Variants in ACADSB observed in about 807,000 individuals in gnomAD.
The protein encoded by ACADSB is acyl-CoA dehydrogenase short/branched chain.
A neutral mutation model predicts 54.1 loss-of-function variants in ACADSB; 40 were observed. The ratio of observed to expected loss-of-function variants is 0.74; its 90% CI spans 0.57 to 0.96. The LOEUF (loss-of-function observed/expected upper bound fraction) is 0.96, where lower values mean the gene tolerates loss of function less well. ACADSB is among the 40% of genes least tolerant of loss of function. The probability of loss-of-function intolerance (pLI) is 0.00; values close to 1 mark genes in which losing one functional copy is unlikely to be tolerated. For missense variants in ACADSB, 530 were observed against 510.4 expected (o/e 1.04, Z -0.37); for synonymous variants, 182 against 182.8 (o/e 1.00, Z 0.03).
In ACADSB at chr10:123,057,362, G is replaced by A. The variant is rs755235760; in HGVS notation, c.*3597G>A. 9.9e-5 allele frequency: 15 copies of A among 152,112 alleles called. No individual in the cohort carries two copies. The highest frequency in any genetic ancestry group is 2.1e-4 in the Non-Finnish European group (14 of 68,032). 9.4% of individuals were successfully genotyped at this position (152,112 alleles called of 1,614,324 possible). ...TTAATATATGCACCTACCTTCTTCC[G>A]TTAGTGCATCAGTAAATGTGTTATT... On this transcript the variant is annotated 3_prime_UTR_variant, in exon 11 of 11. Transcript: ENST00000358776.
chr10:123,041,835 C>T (rs923458061), intron 5 of ACADSB, among the ~76,000 whole-genome samples: 3 of 152,126 alleles, frequency 2.0e-5, no homozygotes, highest in African/African-American at 7.2e-5. Context: ...TACTTGAGCA[C>T]TGTCAGATTT....
At chr10:123,035,622 A>G (rs1338882558) in intron 2 of ACADSB, among the ~76,000 whole-genome samples, 2 of 152,318 alleles carry the variant, frequency 1.3e-5, no homozygotes, top group South Asian at 4.2e-4. Flanking sequence ...CAGAAGGTCA[A>G]CATCAGTGTG....
chr10:123,025,510 G>A (rs957317569), intron 1 of ACADSB, among the ~76,000 whole-genome samples: 9 of 151,968 alleles, frequency 5.9e-5, no homozygotes, highest in African/African-American at 2.2e-4. Flanking sequence ...TGTTTGCATG[G>A]CAAAATACCC....
In ACADSB at chr10:123,040,473, G is replaced by A; in HGVS notation, c.311G>A (p.Gly104Asp). 1 of 1,613,780 alleles carries A rather than the reference G, an allele frequency of 6.2e-7. No homozygotes were observed. Among genetic ancestry groups the A allele is most frequent in the Non-Finnish European group, 8.5e-7 (1 of 1,179,764 alleles). The change falls in exon 4 of 11, where the codon GGT (glycine) becomes GAT (aspartate). Residue 104 changes from glycine to aspartate, a missense_variant. Transcript: ENST00000358776. The stretch of plus-strand genomic sequence containing the variant: ...GCCTTGTTTTTTCTTTAGTTGATGG[G>A]TATTGAAGTTGACCCAGAATATGGA... The part of the protein sequence containing the change: ...IQGLFQQGLM[G>D]IEVDPEYGGT...
intron 8 of ACADSB, among the ~76,000 whole-genome samples, chr10:123,047,633 AG>A (rs1195197331): frequency 6.6e-6 from 1 of 152,196 alleles, no homozygotes; most frequent in Non-Finnish European, 1.5e-5. Flanking sequence ...TACCAGCTTT[AG>A]GCCTTAGGCA....
At chr10:123,027,132 T>C (rs1017635250) in intron 1 of ACADSB, among the ~76,000 whole-genome samples, 2 of 152,202 alleles carry the variant, frequency 1.3e-5, no homozygotes, top group African/African-American at 4.8e-5. Flanking sequence ...ATAAGATGGG[T>C]TGAATTTTCA....
rs1403286206 is a variant in ACADSB, at chr10:123,053,979, G to A, written c.*214G>A. 3.3e-6 allele frequency: 2 copies of A among 605,036 alleles called. No homozygotes were observed. The highest frequency in any genetic ancestry group is 2.9e-5 in the Admixed American group (1 of 34,218). 37.5% of individuals were successfully genotyped at this position (605,036 alleles called of 1,614,324 possible). A position where few individuals can be genotyped will look rare whatever the true frequency, so the allele number is the denominator to read the frequency against. ...ACAGGAGATCCACTTTTAAACTTGGGAAATAAGCACCTGTATTTTTTTCCA... is the reference window on the plus strand; with the variant it reads ...ACAGGAGATCCACTTTTAAACTTGGAAAATAAGCACCTGTATTTTTTTCCA... On this transcript the variant is annotated 3_prime_UTR_variant, in exon 11 of 11. Coordinates refer to ENST00000358776, the MANE Select transcript of ACADSB (RefSeq NM_001609.4).
chr10:123,030,463 G>A (rs1850310187), intron 1 of ACADSB, among the ~76,000 whole-genome samples: 1 of 149,292 alleles, frequency 6.7e-6, no homozygotes, highest in Non-Finnish European at 1.5e-5. Flanking sequence ...GGAGGCTGAG[G>A]TAGCAGTGAA....
rs150619709 is a variant in ACADSB, at chr10:123,043,159, C to A, written c.795C>A (p.Phe265Leu). ...LRASSTCPLT[F>L]ENVKVPEANI... Reference sequence around the variant, plus strand: ...CTTCTTCCACCTGCCCGTTAACATTCGAAAATGTCAAGGTGGGTATCGTAG... The same window carrying A: ...CTTCTTCCACCTGCCCGTTAACATTAGAAAATGTCAAGGTGGGTATCGTAG... The change falls in exon 6 of 11, where the codon TTC becomes TTA. Residue 265 changes from phenylalanine (F) to leucine (L), a missense_variant. Physicochemically the swap from Phe to Leu is conservative, Grantham distance 22. Transcript: ENST00000358776. The A allele has an allele frequency of 5.6e-6, 9 of 1,613,732 alleles. No individual in the cohort carries two copies. Among genetic ancestry groups the A allele is most frequent in the Non-Finnish European group, 7.6e-6 (9 of 1,179,792 alleles).
At chr10:123,017,053 A>G (rs1850117886) in intron 1 of ACADSB, among the ~76,000 whole-genome samples, 1 of 152,120 alleles carries the variant, frequency 6.6e-6, no homozygotes, top group African/African-American at 2.4e-5. Flanking sequence ...GTCTTTTGGC[A>G]TCTATTTAAG....
intron 1 of ACADSB, among the ~76,000 whole-genome samples, chr10:123,030,235 C>T (rs1850307581): frequency 6.6e-6 from 1 of 152,068 alleles, no homozygotes; most frequent in African/African-American, 2.4e-5. Flanking sequence ...ATAAGAATTT[C>T]TCCTTTCTAG....
chr10:123,012,021 T>G (rs902115198), intron 1 of ACADSB, among the ~76,000 whole-genome samples: 2 of 152,114 alleles, frequency 1.3e-5, no homozygotes, highest in Non-Finnish European at 2.9e-5. Context: ...GGCTAATTTT[T>G]AAAGTGTTTT....
At chr10:123,044,836 A>G (rs749155111) in intron 7 of ACADSB, among the ~76,000 whole-genome samples, 4 of 152,114 alleles carry the variant, frequency 2.6e-5, no homozygotes, top group Non-Finnish European at 4.4e-5. Context: ...GGAATTTTTT[A>G]CATTAAGAAT....
chr10:123,013,489 G>A (rs1462535395), intron 1 of ACADSB, among the ~76,000 whole-genome samples: 3 of 152,240 alleles, frequency 2.0e-5, no homozygotes, highest in Non-Finnish European at 4.4e-5. Context: ...TGCCAGTCTC[G>A]CGCCTCGTGC....
Position 123,054,581 on chromosome 10 carries a change from A to G in ACADSB, c.*816A>G, listed in dbSNP as rs1253284741. ...AAAAATCTAAAAATTCTGGTTTTAA[A>G]TATGAGAATCAGTGGAAAATAAGGG... is the stretch of plus-strand genomic sequence containing the variant. On this transcript the variant is annotated 3_prime_UTR_variant, in exon 11 of 11. Coordinates refer to ENST00000358776, the MANE Select transcript of ACADSB (RefSeq NM_001609.4). 1 of 152,240 alleles carries G rather than the reference A, an allele frequency of 6.6e-6. No homozygotes were observed. Among genetic ancestry groups the G allele is most frequent in the African/African-American group, 2.4e-5 (1 of 41,464 alleles). 9.4% of individuals were successfully genotyped at this position (152,240 alleles called of 1,614,324 possible). A position where few individuals can be genotyped will look rare whatever the true frequency, so the allele number is the denominator to read the frequency against.
intron 1 of ACADSB, among the ~76,000 whole-genome samples, chr10:123,026,473 C>T (rs1173001722): frequency 6.6e-6 from 1 of 152,068 alleles, no homozygotes; most frequent in Non-Finnish European, 1.5e-5. Context: ...TCTAGATGCT[C>T]ACAAAGATCT....
Position 123,052,630 on chromosome 10 carries a change from C to T in ACADSB, c.1129-431C>T. ...CTTGAGGGGCCATTCTGCAGGGTCT[C>T]TCGCTCCTCCATTCTCTTTTCACAT... On this transcript the variant is annotated intron_variant, in intron 9 of 10. Transcript: ENST00000358776. The surrounding 1 kb of genome is among the most constrained non-coding windows in gnomAD (Gnocchi z 4.2). 3.8e-6 allele frequency: 1 copy of T among 259,814 alleles called. No individual in the cohort carries two copies. The highest frequency in any genetic ancestry group is 9.7e-5 in the East Asian group (1 of 10,338). The allele number at this position is 259,814 out of a possible 1,614,324, so 16.1% of individuals were successfully genotyped here.
chr10:123,012,728 GGTGA>G (rs1416999194), intron 1 of ACADSB, among the ~76,000 whole-genome samples: 2 of 152,148 alleles, frequency 1.3e-5, no homozygotes, highest in Non-Finnish European at 2.9e-5. Context: ...AGACCTTCGC[GGTGA>G]GTGTTACAGC....
At chr10:123,029,217 T>A (rs765157843) in intron 1 of ACADSB, among the ~76,000 whole-genome samples, 7 of 151,948 alleles carry the variant, frequency 4.6e-5, no homozygotes, top group Admixed American at 6.6e-5. Context: ...CATGGTGGCA[T>A]ATACCTGTAG....
Sources: gnomAD v4.1 joint callset for allele counts (sites outside exome capture counted in the v4.1 genomes callset) on GRCh38, gnomAD v4.1.1 for gene constraint, Gnocchi (gnomAD v3.1) non-coding constraint, MANE v1.5 for transcripts, NCBI Gene and HGNC (gene_info 2026-07-23, HGNC 2026-07-21) for gene names.